CAMK2D: variants seen among roughly 807,000 people sequenced by gnomAD.
CAMK2D encodes calcium/calmodulin-dependent protein kinase type II subunit delta.
A neutral mutation model predicts 84.0 loss-of-function variants in CAMK2D; 37 were observed. The ratio of observed to expected loss-of-function variants is 0.44; its 90% confidence interval spans 0.34 to 0.58. The LOEUF (loss-of-function observed/expected upper bound fraction) is 0.58, where lower values mean the gene tolerates loss of function less well. CAMK2D is among the 20% of genes least tolerant of loss of function. The pLI, the probability that CAMK2D is intolerant of heterozygous loss-of-function variation, is 0.02. For missense variants in CAMK2D, 448 were observed against 652.5 expected, an observed-to-expected ratio of 0.69 and a Z score of 3.41; for synonymous variants, 202 against 212.5, an observed-to-expected ratio of 0.95 and a Z score of 0.43.
chr4:113,705,693 T>C (rs1478578849), intron 2 of CAMK2D, among the ~76,000 whole-genome samples: 1 of 152,204 alleles, frequency 6.6e-6, no homozygotes, highest in Non-Finnish European at 1.5e-5. Context: ...AAAGGTAGCT[T>C]TTGCTTTCTC....
At chr4:113,565,470 G>T (rs1223379674) in intron 4 of CAMK2D, among the ~76,000 whole-genome samples, 1 of 152,042 alleles carries the variant, frequency 6.6e-6, no homozygotes, top group African/African-American at 2.4e-5. Context: ...GGCCCACATG[G>T]TGAAACCCCG....
intron 6 of CAMK2D, among the ~76,000 whole-genome samples, chr4:113,542,014 AG>A (rs1263330862): frequency 6.6e-6 from 1 of 152,246 alleles, no homozygotes; most frequent in Non-Finnish European, 1.5e-5. Context: ...GTTTGCAATT[AG>A]GAAGTACTCT....
intron 2 of CAMK2D, among the ~76,000 whole-genome samples, chr4:113,705,893 C>T (rs966941589): frequency 1.3e-5 from 2 of 152,216 alleles, no homozygotes; most frequent in African/African-American, 4.8e-5. Flanking sequence ...AAGCAAGGAA[C>T]CCTGGCATAG....
intron 4 of CAMK2D, among the ~76,000 whole-genome samples, chr4:113,570,505 T>C (rs2098747520): frequency 2.0e-5 from 3 of 152,080 alleles, no homozygotes; most frequent in Admixed American, 2.0e-4. Flanking sequence ...ACATTTATGG[T>C]CAACTAATTT....
At chr4:113,504,935 T>C (rs1395275498) in intron 14 of CAMK2D, 41 bp downstream of exon 14, 8 of 1,116,608 alleles carry the variant, frequency 7.2e-6, no homozygotes, top group Non-Finnish European at 8.3e-6. Context: ...AAAAAAAAAA[T>C]GTAAAGAACT....
At chr4:113,626,881 T>C (rs1274179243) in intron 3 of CAMK2D, among the ~76,000 whole-genome samples, 1 of 152,184 alleles carries the variant, frequency 6.6e-6, no homozygotes, top group Non-Finnish European at 1.5e-5. Flanking sequence ...AGAAGGGCAA[T>C]TTAATTTCGC....
At chr4:113,754,215 T>C in intron 2 of CAMK2D, 1 of 969,616 alleles carries the variant, frequency 1.0e-6, no homozygotes, top group Non-Finnish European at 1.2e-6. Context: ...AATCATTAAT[T>C]GCCAATGATT....
chr4:113,597,364 T>C (rs531714787), intron 4 of CAMK2D, among the ~76,000 whole-genome samples: 133 of 152,368 alleles, frequency 8.7e-4, no homozygotes, highest in Middle Eastern at 6.8e-3. Context: ...GATAAGTTAC[T>C]GCAGCTTCTC....
intron 15 of CAMK2D, among the ~76,000 whole-genome samples, chr4:113,502,429 TCAC>T (rs141341885): frequency 0.026 from 3,186 of 121,480 alleles, 58 homozygotes; most frequent in Middle Eastern, 0.054. Context: ...AACAACATCA[TCAC>T]CAACAAGGAA....
chr4:113,485,243 T>C (rs186497266), intron 16 of CAMK2D, among the ~76,000 whole-genome samples: 47 of 152,352 alleles, frequency 3.1e-4, no homozygotes, highest in Non-Finnish European at 5.7e-4. Flanking sequence ...GTAGAAACTA[T>C]GAGCCTTGTT....
intron 1 of CAMK2D, among the ~76,000 whole-genome samples, chr4:113,760,734 C>T (rs1304328595): frequency 1.3e-5 from 2 of 152,158 alleles, no homozygotes; most frequent in Non-Finnish European, 2.9e-5. Context: ...CGTAAATTCA[C>T]TAAGTCTCTC....
intron 16 of CAMK2D, among the ~76,000 whole-genome samples, chr4:113,498,940 A>T (rs2097986513): frequency 6.6e-6 from 1 of 152,192 alleles, no homozygotes; most frequent in Non-Finnish European, 1.5e-5. Context: ...TGAACTGCAT[A>T]TAGTAAGGTG....
At position 113,761,572 on chromosome 4, in the gene CAMK2D, C is replaced by G; in HGVS notation, c.-504G>C. The G allele has an allele frequency of 1.0e-6, 1 of 985,338 alleles. No homozygotes were observed. Among genetic ancestry groups the G allele is most frequent in the Non-Finnish European group, 1.2e-6 (1 of 829,896 alleles). 61.0% of individuals were successfully genotyped at this position (985,338 alleles called of 1,614,324 possible). ...GCGGACAGCCTGAGCCCAGCGGCCG[C>G]TGTCAGCAGGCTCAGGCGCGGGGCG... On this transcript the variant is annotated 5_prime_UTR_variant, in exon 1 of 21. Transcript: ENST00000511664.
chr4:113,669,790 G>A (rs1356439202), intron 2 of CAMK2D, among the ~76,000 whole-genome samples: 2 of 152,034 alleles, frequency 1.3e-5, no homozygotes, highest in East Asian at 1.9e-4. Context: ...GGAAGCATAA[G>A]AAGAGGAGAG....
intron 17 of CAMK2D, among the ~76,000 whole-genome samples, chr4:113,462,615 T>G (rs1037426159): frequency 2.6e-4 from 40 of 152,038 alleles, no homozygotes; most frequent in African/African-American, 9.2e-4. Flanking sequence ...ACTGGTATGA[T>G]CCCAAGGTTT....
chr4:113,692,953 AAG>A (rs1284808618), intron 2 of CAMK2D, among the ~76,000 whole-genome samples: 1 of 152,198 alleles, frequency 6.6e-6, no homozygotes, highest in African/African-American at 2.4e-5. Flanking sequence ...GGTTTTCATA[AAG>A]ACACAGAGTT....
At chr4:113,587,932 T>C (rs899123518) in intron 4 of CAMK2D, among the ~76,000 whole-genome samples, 6 of 152,016 alleles carry the variant, frequency 3.9e-5, no homozygotes, top group Non-Finnish European at 5.9e-5. Flanking sequence ...TCCAGATCAG[T>C]AGGTTTCTTT....
rs779967997 is a variant in CAMK2D at position 113,531,215 on chromosome 4, C to T, written c.601+1G>A. The T allele has an allele frequency of 6.6e-7, 1 of 1,521,218 alleles. No homozygotes were observed. The highest frequency in any genetic ancestry group is 9.1e-7 in the Non-Finnish European group (1 of 1,095,340). 94.2% of individuals were successfully genotyped at this position (1,521,218 alleles called of 1,614,324 possible). On this transcript the variant is annotated splice_donor_variant, in intron 8 of 20. Coordinates refer to ENST00000511664, the MANE Select transcript of CAMK2D (RefSeq NM_001321571.2). LOFTEE classifies it high-confidence loss of function. ...ATTTGCTTCAAAATATAATTGCTTA[C>T]CACATGCCCACATATCCACTGGCTT...
intron 2 of CAMK2D, among the ~76,000 whole-genome samples, chr4:113,737,677 T>C (rs1161766854): frequency 2.0e-5 from 3 of 152,332 alleles, no homozygotes; most frequent in East Asian, 3.9e-4. Context: ...AAAAAATCTT[T>C]ATTAACTGCA....
Sources: gnomAD v4.1 joint callset for allele counts (sites outside exome capture counted in the v4.1 genomes callset) on GRCh38, gnomAD v4.1.1 for gene constraint, MANE v1.5 for transcripts, NCBI Gene and HGNC (gene_info 2026-07-23, HGNC 2026-07-21) for gene names.